The following PLEKHA5 variants were observed in gnomAD, a reference collection of about 807,000 sequenced individuals.
The protein encoded by PLEKHA5 is pleckstrin homology domain-containing family A member 5.
Under a neutral mutation model 181.9 loss-of-function variants are expected in PLEKHA5, and 55 were observed. The observed-to-expected ratio is 0.30, with a 90% confidence interval of 0.24 to 0.38. The LOEUF is 0.38. Among genes scored for constraint, PLEKHA5 ranks in the 10% least tolerant of loss-of-function variants. PLEKHA5 has a pLI of 1.00. For missense variants in PLEKHA5, 1,432 were observed against 1,549.5 expected (o/e 0.92, Z 1.27); for synonymous variants, 535 against 529.4 (o/e 1.01, Z -0.15).
chr12:19,175,457 G>A (rs1248740945), intron 3 of PLEKHA5, among the ~76,000 whole-genome samples: 1 of 152,108 alleles, frequency 6.6e-6, no homozygotes, highest in Non-Finnish European at 1.5e-5. Context: ...GCTAACATCT[G>A]ATATTAAGAG....
At chr12:19,134,169 A>G (rs2034905912) in intron 3 of PLEKHA5, among the ~76,000 whole-genome samples, 1 of 152,030 alleles carries the variant, frequency 6.6e-6, no homozygotes, top group South Asian at 2.1e-4. Context: ...AGCTGTTAGG[A>G]AGACATTGAG....
chr12:19,130,075 G>A lies in PLEKHA5; in HGVS notation c.114G>A (p.Trp38Ter). The change falls in exon 2 of 32, where the codon TGG becomes TGA. Residue 38 changes from tryptophan (W) to a stop codon, truncating the protein, a stop_gained. Transcript: ENST00000429027. LOFTEE classifies it high-confidence loss of function. This position sits in a 1 kb window ranked among gnomAD's most constrained non-coding sequence, Gnocchi z 4.5. ...GCGAGGAGGCCAAGAGCACCACCTGGCTGCACCCCGTCACCGGCGAGGCGG... is the reference window on the plus strand; with the variant it reads ...GCGAGGAGGCCAAGAGCACCACCTGACTGCACCCCGTCACCGGCGAGGCGG... The part of the protein sequence containing the change: ...FINEEAKSTT[W>*]LHPVTGEAVV... The A allele has an allele frequency of 6.3e-7, 1 of 1,591,292 alleles. No individual in the cohort carries two copies. The highest frequency in any genetic ancestry group is 1.7e-4 in the Middle Eastern group (1 of 6,026).
At chr12:19,140,696 C>T (rs995668414) in intron 3 of PLEKHA5, among the ~76,000 whole-genome samples, 1 of 152,156 alleles carries the variant, frequency 6.6e-6, no homozygotes, top group African/African-American at 2.4e-5. Flanking sequence ...TCTGAACATC[C>T]CAGGGCATTT....
At chr12:19,207,391 A>G (rs761938849) in intron 3 of PLEKHA5, 22 of 152,198 alleles carry the variant, frequency 1.4e-4, no homozygotes, top group Non-Finnish European at 2.9e-4. Flanking sequence ...AAGAAAAATT[A>G]CCAATGGCAA....
intron 3 of PLEKHA5, among the ~76,000 whole-genome samples, chr12:19,171,738 G>A (rs1022302033): frequency 3.2e-4 from 48 of 152,134 alleles, no homozygotes; most frequent in Admixed American, 2.8e-3. Context: ...ACACAAACAC[G>A]TTGCACAACT....
chr12:19,169,008 G>A (rs1821270171), intron 3 of PLEKHA5, among the ~76,000 whole-genome samples: 2 of 152,118 alleles, frequency 1.3e-5, no homozygotes, highest in Admixed American at 6.5e-5. Context: ...TAAGCTACTG[G>A]CACATGATGG....
At chr12:19,354,140 A>ATTTTTTTTTTTTTTTT (rs1565654916) in intron 26 of PLEKHA5, 138 bp downstream of exon 26, 1 of 69,746 alleles carries the variant, frequency 1.4e-5, no homozygotes. Flanking sequence ...GTTATTCTTT[A>ATTTTTTTTTTTTTTTT]TTCTTTTTTT....
chr12:19,147,139 A>G (rs931535062), intron 3 of PLEKHA5: 1 of 152,228 alleles, frequency 6.6e-6, no homozygotes, highest in African/African-American at 2.4e-5. Context: ...AGTGGTTTAG[A>G]AATGTGATCA....
chr12:19,209,128 A>G (rs1388337384), intron 3 of PLEKHA5, among the ~76,000 whole-genome samples: 1 of 152,138 alleles, frequency 6.6e-6, no homozygotes, highest in Admixed American at 6.5e-5. Flanking sequence ...TAAGAAGGAT[A>G]AGACATCAGC....
intron 26 of PLEKHA5, among the ~76,000 whole-genome samples, chr12:19,354,922 C>T (rs2094844149): frequency 6.6e-6 from 1 of 152,146 alleles, no homozygotes; most frequent in African/African-American, 2.4e-5. Flanking sequence ...CACTGTACTA[C>T]ACTCCTTGAT....
chr12:19,212,693 CTTAAATAT>C (rs2057161514), intron 3 of PLEKHA5, among the ~76,000 whole-genome samples: 1 of 152,102 alleles, frequency 6.6e-6, no homozygotes, highest in African/African-American at 2.4e-5. Flanking sequence ...TAGCTTTAAT[CTTAAATAT>C]TTATAACTTT....
At chr12:19,247,935 A>AAG (rs59039476) in intron 3 of PLEKHA5, among the ~76,000 whole-genome samples, 11,578 of 150,326 alleles carry the variant, frequency 0.077, 590 homozygotes, top group Admixed American at 0.18. Flanking sequence ...TTAAAAAAAA[A>AAG]AGAGAGAGAG....
chr12:19,245,228 A>T (rs1443844172), intron 3 of PLEKHA5, among the ~76,000 whole-genome samples: 1 of 152,190 alleles, frequency 6.6e-6, no homozygotes, highest in African/African-American at 2.4e-5. Flanking sequence ...TCTTTGGACC[A>T]TGTGTAAGTT....
intron 3 of PLEKHA5, among the ~76,000 whole-genome samples, chr12:19,215,045 C>T (rs990492540): frequency 5.9e-5 from 9 of 151,970 alleles, no homozygotes; most frequent in South Asian, 2.1e-4. Context: ...GGTGTGGTGG[C>T]GCATGCCTGT....
chr12:19,173,703 A>G (rs2046540091), intron 3 of PLEKHA5, among the ~76,000 whole-genome samples: 1 of 152,208 alleles, frequency 6.6e-6, no homozygotes, highest in African/African-American at 2.4e-5. Context: ...AATACAGCCT[A>G]GGGGATAGCT....
chr12:19,264,902 A>G (rs1389721101), intron 7 of PLEKHA5, among the ~76,000 whole-genome samples: 4 of 152,216 alleles, frequency 2.6e-5, no homozygotes, highest in East Asian at 1.9e-4. Context: ...TTATAGGTCT[A>G]TAACAATGAA....
chr12:19,168,979 G>A (rs1384615476), intron 3 of PLEKHA5, among the ~76,000 whole-genome samples: 5 of 152,198 alleles, frequency 3.3e-5, no homozygotes, highest in Admixed American at 3.3e-4. Flanking sequence ...CTGCCATGCA[G>A]GATTAGAATA....
intron 28 of PLEKHA5, among the ~76,000 whole-genome samples, chr12:19,359,780 G>A (rs1373626016): frequency 1.3e-5 from 2 of 150,860 alleles, no homozygotes; most frequent in Non-Finnish European, 1.5e-5. Flanking sequence ...TGGCTAACAC[G>A]GTAAAACCCC....
intron 3 of PLEKHA5, among the ~76,000 whole-genome samples, chr12:19,206,721 TG>T (rs1164871514): frequency 6.6e-6 from 1 of 151,810 alleles, no homozygotes; most frequent in Non-Finnish European, 1.5e-5. Context: ...ATGAAGGAGG[TG>T]GGTGTATACT....
Sources: gnomAD v4.1 joint callset for allele counts (sites outside exome capture counted in the v4.1 genomes callset) on GRCh38, gnomAD v4.1.1 for gene constraint, Gnocchi (gnomAD v3.1) non-coding constraint, MANE v1.5 for transcripts, NCBI Gene and HGNC (gene_info 2026-07-23, HGNC 2026-07-21) for gene names.